The following ULK4 variants were observed in gnomAD, a reference collection of about 807,000 sequenced individuals.
ULK4 encodes unc-51 like kinase 4.
A neutral mutation model predicts 160.6 loss-of-function variants in ULK4; 133 were observed. That is an observed-to-expected ratio of 0.83 (90% CI 0.72 to 0.96). The LOEUF (loss-of-function observed/expected upper bound fraction) is 0.96, where lower values mean the gene tolerates loss of function less well. Among genes scored for constraint, ULK4 ranks in the 40% least tolerant of loss-of-function variants. ULK4 has a pLI of 0.00. For synonymous variants in ULK4, 534 were observed against 539.8 expected (o/e 0.99, Z 0.15); for missense variants, 1,580 against 1,499.5 (o/e 1.05, Z -0.89).
rs568888955 is a variant in ULK4, at chr3:41,860,604, G to C, written c.1656+23270C>G. Among the ~76,000 whole-genome samples the C allele has an allele frequency of 2.0e-5, 3 of 152,174 alleles. No homozygotes were observed. In the East Asian group the frequency reaches 5.8e-4, roughly 29 times the overall value. ...TTTTCCATCCCTTTATTTTCAGCCT[G>C]TGTGTGTCTATATAGGTGAAGTGTG... On this transcript the variant is annotated intron_variant, in intron 17 of 36. Coordinates refer to ENST00000301831, the MANE Select transcript of ULK4 (RefSeq NM_017886.4).
At chr3:41,815,858 A>T (rs1469671156) in intron 19 of ULK4, among the ~76,000 whole-genome samples, 1 of 152,242 alleles carries the variant, frequency 6.6e-6, no homozygotes, top group East Asian at 1.9e-4. Context: ...AAGAAAAAAT[A>T]AGACTTTCAG....
intron 35 of ULK4, among the ~76,000 whole-genome samples, chr3:41,387,387 T>C (rs952787109): frequency 6.6e-6 from 1 of 152,150 alleles, no homozygotes; most frequent in Non-Finnish European, 1.5e-5. Flanking sequence ...TTTTATATCA[T>C]TATACTTTAA....
At chr3:41,692,216 G>T (rs1422729498) in intron 27 of ULK4, among the ~76,000 whole-genome samples, 1 of 151,800 alleles carries the variant, frequency 6.6e-6, no homozygotes, top group Non-Finnish European at 1.5e-5. Flanking sequence ...CTCCCAAAGT[G>T]CTGGGATTAC....
chr3:41,276,739 T>C (rs1332536861), intron 35 of ULK4, among the ~76,000 whole-genome samples: 2 of 152,176 alleles, frequency 1.3e-5, no homozygotes, highest in African/African-American at 2.4e-5. Context: ...TGCAAATCAA[T>C]AAGTATAAGG....
At chr3:41,795,478 A>G (rs1344373024) in intron 20 of ULK4, among the ~76,000 whole-genome samples, 1 of 152,160 alleles carries the variant, frequency 6.6e-6, no homozygotes, top group Non-Finnish European at 1.5e-5. Flanking sequence ...TTAACTTGCA[A>G]TCAACAGGCC....
intron 17 of ULK4, among the ~76,000 whole-genome samples, chr3:41,858,147 G>GTTTTTTTTTTTTTTTT (rs71288052): frequency 5.4e-4 from 50 of 92,120 alleles, no homozygotes; most frequent in Middle Eastern, 0.014. Flanking sequence ...TTTTTTGTTT[G>GTTTTTTTTTTTTTTTT]TTTTTTTTTT....
chr3:41,466,943 T>C (rs1387871888), intron 32 of ULK4, among the ~76,000 whole-genome samples: 2 of 152,112 alleles, frequency 1.3e-5, no homozygotes, highest in South Asian at 2.1e-4. Context: ...AATAAGTATA[T>C]GAAAAGTGTT....
At chr3:41,774,215 G>A (rs1373292630) in intron 21 of ULK4, among the ~76,000 whole-genome samples, 1 of 151,688 alleles carries the variant, frequency 6.6e-6, no homozygotes, top group Non-Finnish European at 1.5e-5. Context: ...AGCCAAAATT[G>A]ACAAATGGGA....
rs1185288200 is a variant in ULK4, at chr3:41,279,254, G to GT, written c.3679-29681dup. 1.1e-4 allele frequency among the ~76,000 whole-genome samples: 6 copies of GT among 54,212 alleles called. No homozygotes were observed. The East Asian group carries it at 1.6e-3, about 14-fold the overall frequency. 35.6% of individuals were successfully genotyped at this position (54,212 alleles called of 152,430 possible). ...AAAGAAAAGATTAGAGAAAAAAAGA[G>GT]TAAAAAAAAAAAAAAAAAAAACAAA... On this transcript the variant is annotated intron_variant, in intron 35 of 36. Transcript: ENST00000301831.
chr3:41,549,610 T>C (rs972944924), intron 32 of ULK4, among the ~76,000 whole-genome samples: 2 of 152,094 alleles, frequency 1.3e-5, no homozygotes, highest in African/African-American at 4.8e-5. Flanking sequence ...GGCAACAGCA[T>C]AGAAAAATCT....
intron 35 of ULK4, among the ~76,000 whole-genome samples, chr3:41,380,804 T>A (rs2081633029): frequency 6.6e-6 from 1 of 152,212 alleles, no homozygotes; most frequent in Non-Finnish European, 1.5e-5. Flanking sequence ...TTCTATTCAC[T>A]GTGCCCTTTG....
chr3:41,800,890 A>G (rs2040438468), intron 19 of ULK4, among the ~76,000 whole-genome samples: 1 of 152,210 alleles, frequency 6.6e-6, no homozygotes, highest in Non-Finnish European at 1.5e-5. Context: ...AGGTAATATA[A>G]ATGAGTCCAA....
chr3:41,331,795 A>G (rs969304680), intron 35 of ULK4, among the ~76,000 whole-genome samples: 8 of 152,178 alleles, frequency 5.3e-5, no homozygotes, highest in African/African-American at 1.9e-4. Flanking sequence ...TGAAAATTCA[A>G]TTAGTCTCTG....
chr3:41,741,624 A>C (rs2038241713), intron 22 of ULK4, among the ~76,000 whole-genome samples: 2 of 151,994 alleles, frequency 1.3e-5, no homozygotes. Context: ...AGCAATGTGT[A>C]TTGTTAATAG....
At chr3:41,666,119 A>C (rs2035343598) in intron 29 of ULK4, among the ~76,000 whole-genome samples, 2 of 152,172 alleles carry the variant, frequency 1.3e-5, no homozygotes, top group Admixed American at 6.5e-5. Context: ...CCAACCAGAG[A>C]AGCTCACCTG....
At chr3:41,870,104 T>C (rs949571536) in intron 17 of ULK4, among the ~76,000 whole-genome samples, 1 of 152,196 alleles carries the variant, frequency 6.6e-6, no homozygotes, top group Non-Finnish European at 1.5e-5. Flanking sequence ...ATGGAATATA[T>C]AGGATTTCTC....
intron 22 of ULK4, among the ~76,000 whole-genome samples, chr3:41,732,497 G>A (rs1575620252): frequency 6.6e-6 from 1 of 151,948 alleles, no homozygotes; most frequent in African/African-American, 2.4e-5. Context: ...GTGAAGAAAG[G>A]GGAGTTCTTA....
At chr3:41,414,456 A>G (rs145291787) in intron 34 of ULK4, among the ~76,000 whole-genome samples, 8 of 152,380 alleles carry the variant, frequency 5.3e-5, no homozygotes, top group African/African-American at 1.7e-4. Flanking sequence ...TCCAATCTAC[A>G]CAATATAATG....
intron 17 of ULK4, among the ~76,000 whole-genome samples, chr3:41,869,691 T>C (rs1697022912): frequency 1.3e-5 from 2 of 152,242 alleles, no homozygotes; most frequent in Non-Finnish European, 2.9e-5. Flanking sequence ...CAACCCTTTG[T>C]ACAACTGCTG....
Sources: allele counts gnomAD v4.1 joint callset (sites outside exome capture counted in the v4.1 genomes callset), GRCh38; gene constraint gnomAD v4.1.1; transcripts MANE v1.5; gene names NCBI Gene and HGNC (gene_info 2026-07-23, HGNC 2026-07-21).